TBC1D12: variants seen among roughly 807,000 people sequenced by gnomAD.
TBC1D12 encodes the protein TBC1 domain family member 12, also known as TBC1 domain family, member 12.
In TBC1D12, 56 loss-of-function variants were observed where a neutral mutation model predicts 86.7. That is an observed-to-expected ratio of 0.65 (90% CI 0.52 to 0.81). The LOEUF (loss-of-function observed/expected upper bound fraction) is 0.81, where lower values mean the gene tolerates loss of function less well. Among genes scored for constraint, TBC1D12 ranks in the 30% least tolerant of loss-of-function variants. The pLI is 0.00. For missense variants in TBC1D12, 1,023 were observed against 1,038.8 expected, an observed-to-expected ratio of 0.98 and a Z score of 0.21; for synonymous variants, 421 against 411.7, an observed-to-expected ratio of 1.02 and a Z score of -0.27.
intron 2 of TBC1D12, among the ~76,000 whole-genome samples, chr10:94,458,195 AATGGATTAATGGATTATTGG>A (rs2055657576): frequency 6.6e-6 from 1 of 152,104 alleles, no homozygotes. Context: ...TTAATCCATT[AATGGATTAATGGATTATTGG>A]ATTATCATAG....
chr10:94,529,447 C>T (rs1435154730), intron 11 of TBC1D12, among the ~76,000 whole-genome samples: 5 of 152,090 alleles, frequency 3.3e-5, no homozygotes, highest in Non-Finnish European at 5.9e-5. Flanking sequence ...GGAGAAACGC[C>T]GTCTCTACTA....
rs557644193 is a variant in TBC1D12, at chr10:94,512,705, C to T, written c.1761+1051C>T. Among the ~76,000 whole-genome samples, 7 of 152,168 alleles carry T rather than the reference C, an allele frequency of 4.6e-5. No homozygotes were observed. The Middle Eastern group carries it at 0.014, about 298-fold the overall frequency. On this transcript the variant is annotated intron_variant, in intron 9 of 12. Coordinates refer to ENST00000225235, the MANE Select transcript of TBC1D12 (RefSeq NM_015188.2). Reference sequence around the variant, plus strand: ...TGTGAGATGATAAAGGGGGAAAGTGCTAGATTTAGGGTGGGGCAGGTTGTA... The same window carrying T: ...TGTGAGATGATAAAGGGGGAAAGTGTTAGATTTAGGGTGGGGCAGGTTGTA...
chr10:94,474,677 G>A lies in TBC1D12; in HGVS notation c.1105G>A (p.Ala369Thr). The change falls in exon 3 of 13, where the codon GCA (alanine) becomes ACA (threonine). Residue 369 changes from alanine (A) to threonine (T), a missense_variant. Ala to Thr is a moderately conservative substitution (Grantham distance 58, BLOSUM62 0). Coordinates refer to ENST00000225235, the MANE Select transcript of TBC1D12 (RefSeq NM_015188.2). ...TSKIIQQEYE[A>T]RTGRTCKPPP... Reference sequence around the variant, plus strand: ...TTTTAATTTACTCTAGGAATATGAAGCACGAACGGGGAGGACCTGTAAACC... The same window carrying A: ...TTTTAATTTACTCTAGGAATATGAAACACGAACGGGGAGGACCTGTAAACC... 6.2e-7 allele frequency: 1 copy of A among 1,613,864 alleles called. No homozygotes were observed. Among genetic ancestry groups the A allele is most frequent in the Non-Finnish European group, 8.5e-7 (1 of 1,179,854 alleles).
chr10:94,449,452 A>G (rs896616788), intron 2 of TBC1D12, among the ~76,000 whole-genome samples: 1 of 152,154 alleles, frequency 6.6e-6, no homozygotes, highest in African/African-American at 2.4e-5. Flanking sequence ...AAAATTTATA[A>G]TCTATAAAGA....
intron 2 of TBC1D12, among the ~76,000 whole-genome samples, chr10:94,469,366 T>C (rs2055869376): frequency 6.6e-6 from 1 of 152,032 alleles, no homozygotes; most frequent in Non-Finnish European, 1.5e-5. Flanking sequence ...CCCAGCTTTG[T>C]AGGGTTTTAT....
intron 6 of TBC1D12, among the ~76,000 whole-genome samples, chr10:94,502,413 A>G (rs2056409718): frequency 6.6e-6 from 1 of 151,008 alleles, no homozygotes; most frequent in Non-Finnish European, 1.5e-5. Context: ...GGAAAGTAAA[A>G]TAGTTTATAG....
chr10:94,522,489 A>T (rs1311079466), intron 11 of TBC1D12, 36 bp downstream of exon 11: 1 of 886,098 alleles, frequency 1.1e-6, no homozygotes, highest in African/African-American at 1.8e-5. Flanking sequence ...AATAATGAAA[A>T]GGAAATAAAG....
rs33935088 is a variant in TBC1D12 at position 94,523,192 on chromosome 10, C to CAAAAAA, written c.2000+759_2000+764dup. Among the ~76,000 whole-genome samples, 212 of 44,006 alleles carry CAAAAAA rather than the reference C, an allele frequency of 4.8e-3. 6 individuals carry two copies. The highest frequency in any genetic ancestry group is 0.016 in the Middle Eastern group (1 of 64). The allele number at this position is 44,006 out of a possible 152,430, so 28.9% of individuals were successfully genotyped here. ...TGGACAACAGAGCGAAACTCTATCT[C>CAAAAAA]AAAAAAAAAAAAAAAAAAAAAAAAA... On this transcript the variant is annotated intron_variant, in intron 11 of 12. Transcript: ENST00000225235.
At chr10:94,453,762 C>G (rs1011044110) in intron 2 of TBC1D12, among the ~76,000 whole-genome samples, 2 of 152,096 alleles carry the variant, frequency 1.3e-5, no homozygotes, top group Non-Finnish European at 2.9e-5. Flanking sequence ...ACATTTAGGT[C>G]TGTAAACCAT....
chr10:94,422,280 C>G (rs954533434), intron 1 of TBC1D12, among the ~76,000 whole-genome samples: 1 of 150,750 alleles, frequency 6.6e-6, no homozygotes. Context: ...ACCTCCGCCT[C>G]CCGGGTTCAA....
chr10:94,456,077 T>A (rs1235689881), intron 2 of TBC1D12, among the ~76,000 whole-genome samples: 1 of 152,238 alleles, frequency 6.6e-6, no homozygotes, highest in African/African-American at 2.4e-5. Context: ...TTTCTCTTAG[T>A]TATCATGGCA....
chr10:94,452,075 T>A (rs951859005), intron 2 of TBC1D12, among the ~76,000 whole-genome samples: 4 of 150,282 alleles, frequency 2.7e-5, no homozygotes, highest in African/African-American at 9.7e-5. Context: ...TTTAAATGCA[T>A]ATATATTTAA....
chr10:94,525,142 T>C (rs1195310655), intron 11 of TBC1D12, among the ~76,000 whole-genome samples: 1 of 152,164 alleles, frequency 6.6e-6, no homozygotes, highest in East Asian at 1.9e-4. Flanking sequence ...CTGATTTTAC[T>C]GAAGAGGAAT....
intron 4 of TBC1D12, among the ~76,000 whole-genome samples, chr10:94,495,634 A>G (rs2056306578): frequency 6.6e-6 from 1 of 152,106 alleles, no homozygotes; most frequent in South Asian, 2.1e-4. Context: ...TTGGTGTGAT[A>G]CTCTGAACAG....
chr10:94,468,534 A>G (rs1325939677), intron 2 of TBC1D12, among the ~76,000 whole-genome samples: 2 of 152,034 alleles, frequency 1.3e-5, no homozygotes, highest in African/African-American at 4.8e-5. Flanking sequence ...TGACTGGAAT[A>G]ATTTTAGGGG....
chr10:94,506,968 T>C (rs1448741237), intron 6 of TBC1D12, among the ~76,000 whole-genome samples: 2 of 152,344 alleles, frequency 1.3e-5, no homozygotes, highest in East Asian at 1.9e-4. Context: ...CTAGGTCTGA[T>C]TGACTCCAAA....
At chr10:94,478,709 A>G (rs561589283) in intron 3 of TBC1D12, among the ~76,000 whole-genome samples, 21 of 152,226 alleles carry the variant, frequency 1.4e-4, no homozygotes, top group Non-Finnish European at 2.2e-4. Context: ...AACCACATTT[A>G]AAATCCATGG....
intron 3 of TBC1D12, among the ~76,000 whole-genome samples, chr10:94,486,015 G>C (rs1207491846): frequency 6.6e-6 from 1 of 151,344 alleles, no homozygotes; most frequent in African/African-American, 2.4e-5. Flanking sequence ...TCTTAGTCTG[G>C]CTAAAGGTTT....
intron 5 of TBC1D12, among the ~76,000 whole-genome samples, chr10:94,498,515 G>A (rs977806973): frequency 1.3e-5 from 2 of 151,920 alleles, no homozygotes; most frequent in South Asian, 2.1e-4. Flanking sequence ...GTGCAGTGGC[G>A]CGATCTCAGC....
Sources: allele counts gnomAD v4.1 joint callset (sites outside exome capture counted in the v4.1 genomes callset), GRCh38; gene constraint gnomAD v4.1.1; transcripts MANE v1.5; gene names NCBI Gene and HGNC (gene_info 2026-07-23, HGNC 2026-07-21).